HECA: variants seen among roughly 807,000 people sequenced by gnomAD.
HECA encodes HECA ribonucleoprotein granule regulator.
In HECA, 13 loss-of-function variants were observed where a neutral mutation model predicts 37.6. That is an observed-to-expected ratio of 0.35 (90% confidence interval 0.23 to 0.55). The LOEUF (loss-of-function observed/expected upper bound fraction) is 0.55, where lower values mean the gene tolerates loss of function less well. Among genes scored for constraint, HECA ranks in the 20% least tolerant of loss-of-function variants. The pLI is 0.90. For missense variants in HECA, 527 were observed against 701.9 expected (o/e 0.75, Z 2.82); for synonymous variants, 307 against 291.5 (o/e 1.05, Z -0.54).
Position 139,179,061 on chromosome 6 carries a change from T to C in HECA, c.*1956T>C, listed in dbSNP as rs1775096647. The C allele has an allele frequency of 6.6e-6, 1 of 152,092 alleles. No individual in the cohort carries two copies. The highest frequency in any genetic ancestry group is 1.5e-5 in the Non-Finnish European group (1 of 68,004). 9.4% of individuals were successfully genotyped at this position (152,092 alleles called of 1,614,324 possible). On this transcript the variant is annotated 3_prime_UTR_variant, in exon 4 of 4. Coordinates refer to ENST00000367658, the MANE Select transcript of HECA (RefSeq NM_016217.3). ...AAATGCATAAAATGCCTATAAGAAG[T>C]AGAAAGTCATTGAACTGACAGTGTT...
At chr6:139,163,248 C>T (rs1042912052) in intron 1 of HECA, among the ~76,000 whole-genome samples, 1 of 152,168 alleles carries the variant, frequency 6.6e-6, no homozygotes, top group Non-Finnish European at 1.5e-5. Context: ...AGACATCTTA[C>T]AGGATGGCTC....
intron 1 of HECA, 40 bp downstream of exon 1, chr6:139,135,707 C>G (rs1582931813): frequency 3.2e-6 from 3 of 941,698 alleles, no homozygotes; most frequent in Non-Finnish European, 2.5e-6. Context: ...ACTTCCTCCC[C>G]GACGGGGACG....
intron 1 of HECA, among the ~76,000 whole-genome samples, chr6:139,151,443 G>T (rs1013340586): frequency 7.8e-6 from 1 of 128,318 alleles, no homozygotes; most frequent in Non-Finnish European, 1.6e-5. Flanking sequence ...TAAACAGAAT[G>T]CAGGCAAGGC....
Position 139,179,596 on chromosome 6 carries a change from C to G in HECA, c.*2491C>G, listed in dbSNP as rs946278963. ...AAGCATATCTGGGAATATCTTTTGC[C>G]TTTAAGACGATTCATTCTTGTCTAG... On this transcript the variant is annotated 3_prime_UTR_variant, in exon 4 of 4. Coordinates refer to ENST00000367658, the MANE Select transcript of HECA (RefSeq NM_016217.3). 6 of 152,120 alleles carry G rather than the reference C, an allele frequency of 3.9e-5. No individual in the cohort carries two copies. The highest frequency in any genetic ancestry group is 1.4e-4 in the African/African-American group (6 of 41,418). The allele number at this position is 152,120 out of a possible 1,614,324, so 9.4% of individuals were successfully genotyped here.
intron 1 of HECA, among the ~76,000 whole-genome samples, chr6:139,135,947 G>C (rs1774429668): frequency 6.6e-6 from 1 of 151,924 alleles, no homozygotes; most frequent in Non-Finnish European, 1.5e-5. Context: ...CCAGCCTGCT[G>C]CCCGCGCTGG....
At chr6:139,170,227 A>G (rs1474481667) in intron 2 of HECA, 3 of 152,218 alleles carry the variant, frequency 2.0e-5, no homozygotes, top group Non-Finnish European at 4.4e-5. Context: ...TTCTTTTTCT[A>G]TCCATGATGG....
In HECA at chr6:139,166,456, C is replaced by G. The variant is rs368964706; in HGVS notation, c.444C>G (p.Ile148Met). The change falls in exon 2 of 4, where the codon ATC (isoleucine) becomes ATG (methionine). Residue 148 changes from isoleucine to methionine, a missense_variant. Physicochemically the swap from Ile to Met is conservative, Grantham distance 10. Transcript: ENST00000367658. ...GCATCCTCGTCCAGTTCAACTGCAT[C>G]GGCCGCGCGCGCAGCTGGAACGAGA... Reference protein sequence around the residue: ...ESSILVQFNCIGRARSWNEKQ... With the variant: ...ESSILVQFNCMGRARSWNEKQ... 15 of 1,614,180 alleles carry G rather than the reference C, an allele frequency of 9.3e-6. No individual in the cohort carries two copies. Among genetic ancestry groups the G allele is most frequent in the African/African-American group, 1.3e-5 (1 of 75,050 alleles).
chr6:139,179,632 T>C lies in HECA; in HGVS notation c.*2527T>C, dbSNP rs1775105691. 6.6e-6 allele frequency: 1 copy of C among 152,232 alleles called. No homozygotes were observed. Among genetic ancestry groups the C allele is most frequent in the Non-Finnish European group, 1.5e-5 (1 of 68,042 alleles). 9.4% of individuals were successfully genotyped at this position (152,232 alleles called of 1,614,324 possible). On this transcript the variant is annotated 3_prime_UTR_variant, in exon 4 of 4. Transcript: ENST00000367658. ...TTCATTCTTGTCTAGAGGGAAAATC[T>C]GGCTGATTTGGGAATAAAATATAAT...
At chr6:139,162,732 C>G (rs1774823229) in intron 1 of HECA, among the ~76,000 whole-genome samples, 1 of 152,188 alleles carries the variant, frequency 6.6e-6, no homozygotes, top group Non-Finnish European at 1.5e-5. Context: ...ACATTGCCAC[C>G]ACCCTCTGCT....
intron 2 of HECA, among the ~76,000 whole-genome samples, chr6:139,173,442 C>T (rs1465052781): frequency 6.6e-6 from 1 of 152,166 alleles, no homozygotes. Flanking sequence ...ACATACATAC[C>T]TTTCCATCGG....
intron 1 of HECA, among the ~76,000 whole-genome samples, chr6:139,158,554 C>T (rs1774749043): frequency 6.6e-6 from 1 of 150,822 alleles, no homozygotes. Flanking sequence ...GTAGTCCCAG[C>T]ACCTGTAGTC....
At chr6:139,138,665 G>C (rs192252748) in intron 1 of HECA, among the ~76,000 whole-genome samples, 24 of 152,336 alleles carry the variant, frequency 1.6e-4, no homozygotes, top group African/African-American at 5.3e-4. Flanking sequence ...GTTACGGAGA[G>C]CTTGGGGAAG....
chr6:139,154,689 C>T (rs950852219), intron 1 of HECA, among the ~76,000 whole-genome samples: 2 of 152,214 alleles, frequency 1.3e-5, no homozygotes, highest in African/African-American at 4.8e-5. Context: ...GGGGCCAAAT[C>T]GGCCATGGCC....
chr6:139,163,512 C>T (rs888206190), intron 1 of HECA, among the ~76,000 whole-genome samples: 1 of 152,062 alleles, frequency 6.6e-6, no homozygotes, highest in Non-Finnish European at 1.5e-5. Context: ...CGCCACTACA[C>T]CCAGCTAATT....
At position 139,178,298 on chromosome 6, in the gene HECA, GCCTTTGGTTCAGT is replaced by G. The variant is rs1775081082; in HGVS notation, c.*1194_*1206del. On this transcript the variant is annotated 3_prime_UTR_variant, in exon 4 of 4. Transcript: ENST00000367658. ...AGAGCATTGGGCATTCCAAAATACA[GCCTTTGGTTCAGT>G]AGATTTTAATGCTTTAAATAGACTG... is the stretch of plus-strand genomic sequence containing the variant. 1 of 152,118 alleles carries G rather than the reference GCCTTTGGTTCAGT, an allele frequency of 6.6e-6. No homozygotes were observed. The highest frequency in any genetic ancestry group is 1.5e-5 in the Non-Finnish European group (1 of 68,028). 9.4% of individuals were successfully genotyped at this position (152,118 alleles called of 1,614,324 possible).
rs929737739 is a variant in HECA, at chr6:139,135,286, C to T, written c.-111C>T. ...ACGGGAGCCGAGGGAACCGCCGGCT[C>T]GCGCCCTCCGTTCTTTCCCGGAGCC... On this transcript the variant is annotated 5_prime_UTR_variant, in exon 1 of 4. Coordinates refer to ENST00000367658, the MANE Select transcript of HECA (RefSeq NM_016217.3). The T allele has an allele frequency of 5.5e-6, 5 of 906,918 alleles. No individual in the cohort carries two copies. The highest frequency in any genetic ancestry group is 1.8e-5 in the African/African-American group (1 of 55,114). 56.2% of individuals were successfully genotyped at this position (906,918 alleles called of 1,614,324 possible). A position where few individuals can be genotyped will look rare whatever the true frequency, so the allele number is the denominator to read the frequency against.
Position 139,166,792 on chromosome 6 carries a change from C to T in HECA, c.780C>T (p.Tyr260=), listed in dbSNP as rs368450813. ...SQEKAVGAAA[Y]GARSPGGSPG... ...AGAAGGCAGTGGGTGCCGCAGCCTA[C>T]GGTGCCCGTTCCCCCGGTGGCTCCC... Residue 260 remains tyrosine, a synonymous_variant, in exon 2 of 4, where the codon TAC becomes TAT. Transcript: ENST00000367658. The T allele has an allele frequency of 1.6e-5, 26 of 1,613,520 alleles. No homozygotes were observed. Among genetic ancestry groups the T allele is most frequent in the African/African-American group, 6.7e-5 (5 of 74,938 alleles).
intron 1 of HECA, chr6:139,144,641 A>G (rs1774557420): frequency 6.6e-6 from 1 of 152,410 alleles, no homozygotes; most frequent in South Asian, 2.1e-4. Flanking sequence ...GGACATGGTC[A>G]GCTGAATTTG....
rs542560874 is a variant in HECA at position 139,179,326 on chromosome 6, A to C, written c.*2221A>C. ...AAAATTTTATAGTGAAACCTGCTTTATATTGTTGTTCTGAAGCTTACAATT... is the reference window on the plus strand; with the variant it reads ...AAAATTTTATAGTGAAACCTGCTTTCTATTGTTGTTCTGAAGCTTACAATT... On this transcript the variant is annotated 3_prime_UTR_variant, in exon 4 of 4. Coordinates refer to ENST00000367658, the MANE Select transcript of HECA (RefSeq NM_016217.3). 1 of 152,184 alleles carries C rather than the reference A, an allele frequency of 6.6e-6. No homozygotes were observed. Among genetic ancestry groups the C allele is most frequent in the Admixed American group, 6.5e-5 (1 of 15,284 alleles). 9.4% of individuals were successfully genotyped at this position (152,184 alleles called of 1,614,324 possible).
Sources: allele counts gnomAD v4.1 joint callset (sites outside exome capture counted in the v4.1 genomes callset), GRCh38; gene constraint gnomAD v4.1.1; transcripts MANE v1.5; gene names NCBI Gene and HGNC (gene_info 2026-07-23, HGNC 2026-07-21).